Variants in RBMS1 observed in about 807,000 individuals in gnomAD.
RBMS1 encodes RNA binding motif single stranded interacting protein 1, also known as RNA-binding motif, single-stranded-interacting protein 1.
A neutral mutation model predicts 62.3 loss-of-function variants in RBMS1; 17 were observed. The observed-to-expected ratio is 0.27, with a 90% CI of 0.19 to 0.41. The LOEUF (loss-of-function observed/expected upper bound fraction) is 0.41, where lower values mean the gene tolerates loss of function less well. Ranked by LOEUF, RBMS1 falls within the 10% of genes least tolerant of loss-of-function variation. RBMS1 has a pLI of 1.00. For synonymous variants in RBMS1, 172 were observed against 170.0 expected, an observed-to-expected ratio of 1.01 and a Z score of -0.09; for missense variants, 334 against 504.5, an observed-to-expected ratio of 0.66 and a Z score of 3.24.
At chr2:160,320,632 C>T (rs560035243) in intron 2 of RBMS1, among the ~76,000 whole-genome samples, 6 of 152,078 alleles carry the variant, frequency 3.9e-5, no homozygotes, top group Non-Finnish European at 7.4e-5. Flanking sequence ...GAGCCTGGTA[C>T]CTCCTCCTCT....
chr2:160,356,391 T>C (rs1692802711), intron 2 of RBMS1, among the ~76,000 whole-genome samples: 1 of 151,874 alleles, frequency 6.6e-6, no homozygotes, highest in African/African-American at 2.4e-5. Flanking sequence ...TGGCCCAATA[T>C]CTCTTAGGGT....
At chr2:160,317,283 A>C (rs1456384678) in intron 3 of RBMS1, among the ~76,000 whole-genome samples, 2 of 152,216 alleles carry the variant, frequency 1.3e-5, no homozygotes, top group African/African-American at 4.8e-5. Flanking sequence ...GATTGTGCTA[A>C]GCCACTGCCC....
At chr2:160,446,142 C>T (rs527500240) in intron 1 of RBMS1, among the ~76,000 whole-genome samples, 3 of 152,162 alleles carry the variant, frequency 2.0e-5, no homozygotes, top group Non-Finnish European at 4.4e-5. Flanking sequence ...TTAAATAACA[C>T]CTACCTTCAA....
chr2:160,407,593 AG>A, intron 1 of RBMS1: 1 of 981,580 alleles, frequency 1.0e-6, no homozygotes, highest in Non-Finnish European at 1.2e-6. Context: ...CCTCGCCGCG[AG>A]GGGGAGGGCG....
At chr2:160,461,482 C>A (rs771444190) in intron 1 of RBMS1, among the ~76,000 whole-genome samples, 2 of 151,956 alleles carry the variant, frequency 1.3e-5, no homozygotes, top group Non-Finnish European at 2.9e-5. Context: ...ACTTCCTGTC[C>A]CTTTCATTTC....
chr2:160,392,019 A>C (rs552374105), intron 1 of RBMS1, among the ~76,000 whole-genome samples: 12 of 152,306 alleles, frequency 7.9e-5, no homozygotes, highest in African/African-American at 2.6e-4. Context: ...GATTACACAG[A>C]TATGTGAAGG....
At chr2:160,361,359 A>G (rs1388179532) in intron 2 of RBMS1, among the ~76,000 whole-genome samples, 4 of 152,236 alleles carry the variant, frequency 2.6e-5, no homozygotes, top group Non-Finnish European at 5.9e-5. Flanking sequence ...TGCTATTTGT[A>G]AATCTTTAAA....
intron 1 of RBMS1, among the ~76,000 whole-genome samples, chr2:160,421,809 G>A (rs1057440193): frequency 6.6e-6 from 1 of 152,220 alleles, no homozygotes; most frequent in Non-Finnish European, 1.5e-5. Context: ...TCCAGCACCT[G>A]TGGTTTCCTG....
intron 1 of RBMS1, among the ~76,000 whole-genome samples, chr2:160,446,978 C>T (rs1280651836): frequency 6.6e-6 from 1 of 152,206 alleles, no homozygotes; most frequent in East Asian, 1.9e-4. Context: ...ACCTTGCACC[C>T]CTTCTTCATG....
intron 10 of RBMS1, chr2:160,279,617 CTCTT>C (rs1488080106): frequency 3.3e-5 from 5 of 152,156 alleles, no homozygotes; most frequent in Non-Finnish European, 7.3e-5. Context: ...ATTCAATGAA[CTCTT>C]TATTTTTGGA....
At chr2:160,389,797 G>GTT (rs570423784) in intron 1 of RBMS1, among the ~76,000 whole-genome samples, 5 of 135,878 alleles carry the variant, frequency 3.7e-5, no homozygotes, top group African/African-American at 1.1e-4. Context: ...AAAATTACTA[G>GTT]TTTTTTTTTT....
At chr2:160,352,084 C>T (rs1380423427) in intron 2 of RBMS1, among the ~76,000 whole-genome samples, 1 of 152,150 alleles carries the variant, frequency 6.6e-6, no homozygotes, top group East Asian at 1.9e-4. Flanking sequence ...AAAGCTGACT[C>T]ATAACTTCTT....
At chr2:160,436,093 T>C (rs1330212634) in intron 1 of RBMS1, among the ~76,000 whole-genome samples, 1 of 152,206 alleles carries the variant, frequency 6.6e-6, no homozygotes, top group Non-Finnish European at 1.5e-5. Flanking sequence ...CATATGTAAG[T>C]AACTGTGATA....
Position 160,324,907 on chromosome 2 carries a change from T to TATATATATATAC in RBMS1, c.252-6681_252-6680insGTATATATATAT, listed in dbSNP as rs1321182985. Among the ~76,000 whole-genome samples the TATATATATATAC allele has an allele frequency of 3.4e-4, 36 of 106,800 alleles. No homozygotes were observed. In the South Asian group the frequency reaches 3.9e-3, roughly 12 times the overall value. 70.1% of individuals were successfully genotyped at this position (106,800 alleles called of 152,430 possible). A position where few individuals can be genotyped will look rare whatever the true frequency, so the allele number is the denominator to read the frequency against. On this transcript the variant is annotated intron_variant, in intron 2 of 13. Transcript: ENST00000348849. The stretch of plus-strand genomic sequence containing the variant: ...GTATATATATATATATATATATATA[T>TATATATATATAC]ACACACACACACACACACACACACA...
chr2:160,450,563 T>TAAAATAAAAAA (rs71006605), intron 1 of RBMS1, among the ~76,000 whole-genome samples: 1 of 122,392 alleles, frequency 8.2e-6, no homozygotes, highest in Non-Finnish European at 1.6e-5. Flanking sequence ...AAATAAAAAA[T>TAAAATAAAAAA]GAAAAAAAAA....
intron 2 of RBMS1, among the ~76,000 whole-genome samples, chr2:160,362,017 A>G (rs934586866): frequency 2.0e-5 from 3 of 152,244 alleles, no homozygotes; most frequent in African/African-American, 7.2e-5. Flanking sequence ...AGATTGCTGC[A>G]TCAATGGACT....
chr2:160,366,953 T>A (rs1422770024), intron 2 of RBMS1: 1 of 263,900 alleles, frequency 3.8e-6, no homozygotes, highest in Non-Finnish European at 7.0e-6. Context: ...AAAAAATTCA[T>A]ATTTTACTTC....
In RBMS1 at chr2:160,304,542, C is replaced by A. The variant is rs567259255; in HGVS notation, c.403-1055G>T. Among the ~76,000 whole-genome samples, 540 of 152,220 alleles carry A rather than the reference C, an allele frequency of 3.5e-3. 2 individuals are homozygous for A. The highest frequency in any genetic ancestry group is 0.02 in the Middle Eastern group (6 of 294). ...TTCAGTTAATGGCGGATGGCATATA[C>A]GATGGTGGTCCTGTAATAGAGATGA... On this transcript the variant is annotated intron_variant, in intron 4 of 13. Transcript: ENST00000348849.
intron 1 of RBMS1, among the ~76,000 whole-genome samples, chr2:160,378,054 T>A (rs988213219): frequency 6.6e-6 from 1 of 152,132 alleles, no homozygotes; most frequent in Non-Finnish European, 1.5e-5. Flanking sequence ...TGCAGCCTCT[T>A]TTATACCTCA....
Sources: allele counts gnomAD v4.1 joint callset (sites outside exome capture counted in the v4.1 genomes callset), GRCh38; gene constraint gnomAD v4.1.1; transcripts MANE v1.5; gene names NCBI Gene and HGNC (gene_info 2026-07-23, HGNC 2026-07-21).